ATG10: variants seen among roughly 807,000 people sequenced by gnomAD.
ATG10 encodes the protein ubiquitin-like-conjugating enzyme ATG10.
In ATG10, 30 loss-of-function variants were observed where a neutral mutation model predicts 32.1. The ratio of observed to expected loss-of-function variants is 0.94; its 90% CI spans 0.70 to 1.27. ATG10 has a LOEUF of 1.27. Among genes scored for constraint, ATG10 ranks in the 50% most tolerant of loss-of-function variants. The probability of loss-of-function intolerance (pLI) is 0.00; values close to 1 mark genes in which losing one functional copy is unlikely to be tolerated. For missense variants in ATG10, 233 were observed against 262.3 expected, an observed-to-expected ratio of 0.89 and a Z score of 0.77; for synonymous variants, 87 against 91.5, an observed-to-expected ratio of 0.95 and a Z score of 0.28.
intron 5 of ATG10, among the ~76,000 whole-genome samples, chr5:82,188,262 CTT>C (rs936131364): frequency 6.6e-6 from 1 of 152,046 alleles, no homozygotes; most frequent in Non-Finnish European, 1.5e-5. Context: ...GGTTAATGTT[CTT>C]TGTTATGTGT....
At chr5:82,059,218 C>T (rs1269511070) in intron 3 of ATG10, among the ~76,000 whole-genome samples, 4 of 151,670 alleles carry the variant, frequency 2.6e-5, no homozygotes, top group Non-Finnish European at 4.4e-5. Flanking sequence ...TTCTTTTTAT[C>T]GAAATGCAAA....
chr5:82,180,733 C>G (rs1389144814), intron 5 of ATG10, among the ~76,000 whole-genome samples: 2 of 152,104 alleles, frequency 1.3e-5, no homozygotes, highest in Non-Finnish European at 1.5e-5. Context: ...ACCCATTTAT[C>G]AACTCTTTCT....
chr5:82,136,650 T>A (rs1165882488), intron 3 of ATG10, among the ~76,000 whole-genome samples: 2 of 152,206 alleles, frequency 1.3e-5, no homozygotes, highest in African/African-American at 4.8e-5. Flanking sequence ...TTAACATTTT[T>A]TCCTTCATTT....
At chr5:82,178,461 A>G (rs1744114259) in intron 4 of ATG10, 29 bp from the exon 5 acceptor site, 2 of 1,339,018 alleles carry the variant, frequency 1.5e-6, no homozygotes, top group African/African-American at 2.9e-5. Context: ...ATGAATTACT[A>G]ACTCAGTCTT....
chr5:82,220,016 T>A (rs1224915311), intron 5 of ATG10, among the ~76,000 whole-genome samples: 1 of 152,140 alleles, frequency 6.6e-6, no homozygotes, highest in East Asian at 1.9e-4. Context: ...TGTAAAGGTA[T>A]CTAAGGAGTT....
chr5:82,201,087 G>T (rs995438240), intron 5 of ATG10, among the ~76,000 whole-genome samples: 4 of 151,766 alleles, frequency 2.6e-5, no homozygotes, highest in African/African-American at 9.7e-5. Flanking sequence ...GTTTCACCAT[G>T]TTGGCCAGGC....
Position 82,256,081 on chromosome 5 carries a change from C to T in ATG10, c.*2018C>T, listed in dbSNP as rs1483835448. 2 of 152,182 alleles carry T rather than the reference C, an allele frequency of 1.3e-5. No homozygotes were observed. The highest frequency in any genetic ancestry group is 2.9e-5 in the Non-Finnish European group (2 of 68,024). 9.4% of individuals were successfully genotyped at this position (152,182 alleles called of 1,614,324 possible). A position where few individuals can be genotyped will look rare whatever the true frequency, so the allele number is the denominator to read the frequency against. On this transcript the variant is annotated 3_prime_UTR_variant, in exon 8 of 8. Coordinates refer to ENST00000282185, the MANE Select transcript of ATG10 (RefSeq NM_031482.5). Reference sequence around the variant, plus strand: ...TGTAAACACAGATTTCTCAGCAAGTCATTTCTCAAGCCATGTCATTTCTAG... The same window carrying T: ...TGTAAACACAGATTTCTCAGCAAGTTATTTCTCAAGCCATGTCATTTCTAG...
intron 5 of ATG10, among the ~76,000 whole-genome samples, chr5:82,193,516 A>G (rs1433213965): frequency 6.6e-6 from 1 of 152,232 alleles, no homozygotes; most frequent in African/African-American, 2.4e-5. Flanking sequence ...ACTGGAGGAT[A>G]GTCAGAACAA....
intron 5 of ATG10, among the ~76,000 whole-genome samples, chr5:82,207,509 T>C (rs1273525785): frequency 6.6e-6 from 1 of 152,210 alleles, no homozygotes; most frequent in Non-Finnish European, 1.5e-5. Flanking sequence ...TATAGGAGTT[T>C]TTCACAAATT....
chr5:82,076,850 G>T (rs1047561485), intron 3 of ATG10, among the ~76,000 whole-genome samples: 3 of 152,072 alleles, frequency 2.0e-5, no homozygotes, highest in Non-Finnish European at 4.4e-5. Flanking sequence ...TGAGATACAG[G>T]TACATTCTGG....
intron 1 of ATG10, among the ~76,000 whole-genome samples, chr5:81,978,227 G>A (rs1760924539): frequency 6.6e-6 from 1 of 151,998 alleles, no homozygotes; most frequent in African/African-American, 2.4e-5. Context: ...CCGCCACCAC[G>A]CCCAGCTAAT....
rs75691169 is a variant in ATG10 at position 82,245,699 on chromosome 5, G to A, written c.454-6863G>A. Among the ~76,000 whole-genome samples, 616 of 152,208 alleles carry A rather than the reference G, an allele frequency of 4.0e-3. 3 individuals are homozygous for A. Among genetic ancestry groups the A allele is most frequent in the African/African-American group, 0.014 (584 of 41,534 alleles). ...AACTTGTTATTTTTCTATATCATAT[G>A]ATCATTATTGCATTCTTCATAACTC... On this transcript the variant is annotated intron_variant, in intron 5 of 7. Transcript: ENST00000282185.
chr5:82,175,050 A>G (rs772968819), intron 4 of ATG10, among the ~76,000 whole-genome samples: 4 of 152,188 alleles, frequency 2.6e-5, no homozygotes, highest in Non-Finnish European at 5.9e-5. Context: ...CAGTTGCATC[A>G]TTGTGGATGT....
At chr5:82,061,206 T>C (rs1051472467) in intron 3 of ATG10, among the ~76,000 whole-genome samples, 6 of 152,166 alleles carry the variant, frequency 3.9e-5, no homozygotes, top group African/African-American at 1.4e-4. Flanking sequence ...CAGTACCCCA[T>C]CTTTGTGTGT....
intron 5 of ATG10, among the ~76,000 whole-genome samples, chr5:82,245,746 C>G (rs1416130070): frequency 1.3e-5 from 2 of 151,922 alleles, no homozygotes; most frequent in African/African-American, 4.8e-5. Flanking sequence ...TTCAGTAGTC[C>G]TATATATTTA....
chr5:82,242,256 T>G lies in ATG10; in HGVS notation c.454-10306T>G, dbSNP rs562508366. 3.9e-5 allele frequency among the ~76,000 whole-genome samples: 6 copies of G among 152,202 alleles called. No individual in the cohort carries two copies. In the South Asian group the frequency reaches 1.0e-3, roughly 26 times the overall value. On this transcript the variant is annotated intron_variant, in intron 5 of 7. Transcript: ENST00000282185. ...TTAGAAAAGTATATAATGTCTATTCTAAAAAGCACATAAATACAGTTAAAG... is the reference window on the plus strand; with the variant it reads ...TTAGAAAAGTATATAATGTCTATTCGAAAAAGCACATAAATACAGTTAAAG...
chr5:81,995,648 G>A (rs775797035), intron 2 of ATG10, among the ~76,000 whole-genome samples: 1 of 152,098 alleles, frequency 6.6e-6, no homozygotes, highest in Non-Finnish European at 1.5e-5. Flanking sequence ...ATGTGCTAAA[G>A]TATTCACATA....
intron 4 of ATG10, among the ~76,000 whole-genome samples, chr5:82,173,808 T>C (rs752106304): frequency 4.7e-4 from 71 of 152,330 alleles, no homozygotes; most frequent in Non-Finnish European, 7.6e-4. Flanking sequence ...AAATAGACTC[T>C]CTTAACATGG....
intron 2 of ATG10, among the ~76,000 whole-genome samples, chr5:82,023,390 T>C (rs996060036): frequency 6.6e-6 from 1 of 152,224 alleles, no homozygotes; most frequent in Admixed American, 6.5e-5. Context: ...CAGATTTATA[T>C]AGTAATTGTC....
Sources: allele counts gnomAD v4.1 joint callset (sites outside exome capture counted in the v4.1 genomes callset), GRCh38; gene constraint gnomAD v4.1.1; transcripts MANE v1.5; gene names NCBI Gene and HGNC (gene_info 2026-07-23, HGNC 2026-07-21).